KEAP1: variants seen among roughly 807,000 people sequenced by gnomAD.
The protein encoded by KEAP1 is kelch-like ECH-associated protein 1.
A neutral mutation model predicts 59.7 loss-of-function variants in KEAP1; 26 were observed. The observed-to-expected ratio is 0.44, with a 90% CI of 0.32 to 0.60. The LOEUF (loss-of-function observed/expected upper bound fraction) is 0.60. KEAP1 is among the 20% of genes least tolerant of loss of function. The pLI, the probability that KEAP1 is intolerant of heterozygous loss-of-function variation, is 0.06. For missense variants in KEAP1, 539 were observed against 871.4 expected, an observed-to-expected ratio of 0.62 and a Z score of 4.80; for synonymous variants, 350 against 358.3, an observed-to-expected ratio of 0.98 and a Z score of 0.26.
At chr19:10,487,992 G>T (rs1446713735) in intron 5 of KEAP1, among the ~76,000 whole-genome samples, 1 of 152,126 alleles carries the variant, frequency 6.6e-6, no homozygotes. Context: ...GCCGGGCGTG[G>T]TGGCGCATGC....
rs2144596988 is a variant in KEAP1, at chr19:10,491,653, C to A, written c.1249G>T (p.Gly417Trp). ...ATGTGGCCATCGATGACCCCCACCC[C>A]GATGCGGTTACGGGGCACGCTCATG... The part of the protein sequence containing the change: ...APMSVPRNRI[G>W]VGVIDGHIYA... Residue 417 changes from glycine to tryptophan, a missense_variant, in exon 3 of 6, where the codon GGG becomes TGG. Physicochemically the swap from Gly to Trp is radical, Grantham distance 184 (BLOSUM62 -2). This residue lies in a region of KEAP1 where 311 missense variants were observed against 425.2 expected (regional missense o/e 0.73). Transcript: ENST00000171111. This position sits in a 1 kb window ranked among gnomAD's most constrained non-coding sequence, Gnocchi z 5.2. The A allele has an allele frequency of 6.3e-7, 1 of 1,593,040 alleles. No homozygotes were observed. Among genetic ancestry groups the A allele is most frequent in the East Asian group, 2.2e-5 (1 of 44,694 alleles).
chr19:10,487,730 T>C (rs936834726), intron 5 of KEAP1, among the ~76,000 whole-genome samples: 1 of 152,112 alleles, frequency 6.6e-6, no homozygotes, highest in Non-Finnish European at 1.5e-5. Flanking sequence ...GCACAGTGGC[T>C]CATGCCTGTA....
At position 10,491,696 on chromosome 19, in the gene KEAP1, C is replaced by A. The variant is rs1232290072; in HGVS notation, c.1206G>T (p.Gln402His). 2 of 1,571,062 alleles carry A rather than the reference C, an allele frequency of 1.3e-6. No individual in the cohort carries two copies. Reference sequence around the variant, plus strand: ...CGCTCATGGGGGCGCAGGGCGACCACTGATTGGTCATGGGGTTGTAACAGT... The same window carrying A: ...CGCTCATGGGGGCGCAGGGCGACCAATGATTGGTCATGGGGTTGTAACAGT... ...ALDCYNPMTN[Q>H]WSPCAPMSVP... Residue 402 changes from glutamine to histidine, a missense_variant, in exon 3 of 6, where the codon CAG becomes CAT. Transcript: ENST00000171111. This position sits in a 1 kb window ranked among gnomAD's most constrained non-coding sequence, Gnocchi z 5.2.
rs760899478 is a variant in KEAP1, at chr19:10,491,791, C to T, written c.1111G>A (p.Gly371Ser). The T allele has an allele frequency of 3.3e-5, 53 of 1,588,334 alleles. No homozygotes were observed. Among genetic ancestry groups the T allele is most frequent in the Non-Finnish European group, 4.4e-5 (51 of 1,167,760 alleles). The part of the protein sequence containing the change: ...PRSGLAGCVV[G>S]GLLYAVGGRN... ...CCGCCCACGGCGTACAACAGCCCGCCCACCACGCAGCCGGCCAGGCCGCTC... is the reference window on the plus strand; with the variant it reads ...CCGCCCACGGCGTACAACAGCCCGCTCACCACGCAGCCGGCCAGGCCGCTC... Residue 371 changes from glycine (G) to serine (S), a missense_variant, in exon 3 of 6, where the codon GGC becomes AGC. Transcript: ENST00000171111. This position sits in a 1 kb window ranked among gnomAD's most constrained non-coding sequence, Gnocchi z 5.2.
At chr19:10,495,179 C>A (rs1249746953) in intron 2 of KEAP1, among the ~76,000 whole-genome samples, 1 of 151,792 alleles carries the variant, frequency 6.6e-6, no homozygotes, top group Non-Finnish European at 1.5e-5. Context: ...TTTTAAGAGA[C>A]AGGGTCTTGC....
intron 2 of KEAP1, among the ~76,000 whole-genome samples, chr19:10,495,402 C>A (rs926949761): frequency 3.3e-5 from 5 of 152,086 alleles, no homozygotes; most frequent in African/African-American, 1.2e-4. Context: ...TGGAAAAAAA[C>A]AAGTGACAGC....
chr19:10,495,394 G>GA (rs919813023), intron 2 of KEAP1, among the ~76,000 whole-genome samples: 2 of 151,914 alleles, frequency 1.3e-5, no homozygotes, highest in East Asian at 3.9e-4. Flanking sequence ...GAATGTTGTG[G>GA]AAAAAAACAA....
At position 10,499,608 on chromosome 19, in the gene KEAP1, C is replaced by G; in HGVS notation, c.426G>C (p.Thr142=). The G allele has an allele frequency of 6.2e-7, 1 of 1,614,054 alleles. No homozygotes were observed. The highest frequency in any genetic ancestry group is 8.5e-7 in the Non-Finnish European group (1 of 1,180,044). ...VMERLIEFAY[T]ASISMGEKCV... ...ACTTCTCGCCCATGGAGATGGAGGC[C>G]GTGTAGGCGAATTCAATGAGGCGCT... The change falls in exon 2 of 6, where the codon ACG becomes ACC. Residue 142 remains threonine, a synonymous_variant. Coordinates refer to ENST00000171111, the MANE Select transcript of KEAP1 (RefSeq NM_203500.2). This position sits in a 1 kb window ranked among gnomAD's most constrained non-coding sequence, Gnocchi z 6.7.
At chr19:10,494,548 G>C (rs962400185) in intron 2 of KEAP1, among the ~76,000 whole-genome samples, 1 of 150,518 alleles carries the variant, frequency 6.6e-6, no homozygotes, top group Non-Finnish European at 1.5e-5. Context: ...TGTTAACCAG[G>C]CTGGTCTTGA....
At position 10,500,772 on chromosome 19, in the gene KEAP1, C is replaced by T. The variant is rs892291334; in HGVS notation, c.-47-692G>A. Among the ~76,000 whole-genome samples, 54 of 151,622 alleles carry T rather than the reference C, an allele frequency of 3.6e-4. 1 individual carries two copies. The highest frequency in any genetic ancestry group is 1.1e-3 in the Admixed American group (17 of 15,194). ...TTGGCTCACTGCAACCTCCGCCTCC[C>T]GGGTTCAAGCGATCCTCCTGCCTCA... On this transcript the variant is annotated intron_variant, in intron 1 of 5. Transcript: ENST00000171111.
In KEAP1 at chr19:10,502,809, G is replaced by A. The variant is rs895770733; in HGVS notation, c.-48+432C>T. On this transcript the variant is annotated intron_variant, in intron 1 of 5. Transcript: ENST00000171111. This position sits in a 1 kb window ranked among gnomAD's most constrained non-coding sequence, Gnocchi z 4.0. ...CAGGTCACCATGACTAAGCAGAGCC[G>A]GGCGCCCGCCGTGTCACAATAAAAG... The A allele has an allele frequency of 6.6e-6, 1 of 151,992 alleles. No homozygotes were observed. The highest frequency in any genetic ancestry group is 2.4e-5 in the African/African-American group (1 of 41,420). The allele number at this position is 151,992 out of a possible 1,614,324, so 9.4% of individuals were successfully genotyped here.
chr19:10,496,412 C>G (rs1568400356), intron 2 of KEAP1, among the ~76,000 whole-genome samples: 2 of 151,490 alleles, frequency 1.3e-5, no homozygotes, highest in African/African-American at 4.9e-5. Flanking sequence ...ATGAGAATCA[C>G]TTGAACCCGA....
intron 2 of KEAP1, among the ~76,000 whole-genome samples, chr19:10,495,018 G>A (rs1914805324): frequency 6.6e-6 from 1 of 150,908 alleles, no homozygotes; most frequent in African/African-American, 2.4e-5. Context: ...ATACAGTGGC[G>A]TGATCTCGGC....
At chr19:10,492,307 C>A in intron 2 of KEAP1, 45 bp from the exon 3 acceptor site, 1 of 1,434,838 alleles carries the variant, frequency 7.0e-7, no homozygotes, top group Non-Finnish European at 9.7e-7. Context: ...CAGTCACCCC[C>A]ACACCTCACC....
At chr19:10,493,622 C>T (rs796500751) in intron 2 of KEAP1, among the ~76,000 whole-genome samples, 61 of 129,468 alleles carry the variant, frequency 4.7e-4, no homozygotes, top group African/African-American at 1.5e-3. Context: ...ACTGCAGTGG[C>T]GCTATCTCGG....
At chr19:10,500,794 C>T (rs1915018126) in intron 1 of KEAP1, among the ~76,000 whole-genome samples, 1 of 151,608 alleles carries the variant, frequency 6.6e-6, no homozygotes, top group Non-Finnish European at 1.5e-5. Flanking sequence ...ATCCTCCTGC[C>T]TCAGCCTCCC....
At chr19:10,498,496 T>G (rs1914932411) in intron 2 of KEAP1, among the ~76,000 whole-genome samples, 1 of 151,920 alleles carries the variant, frequency 6.6e-6, no homozygotes, top group Non-Finnish European at 1.5e-5. Flanking sequence ...CGTGAGCCAC[T>G]GGGCCCTGCC....
Position 10,489,818 on chromosome 19 carries a change from G to C in KEAP1, c.1361C>G (p.Ala454Gly). Residue 454 changes from alanine (A) to glycine (G), a missense_variant, in exon 4 of 6, where the codon GCC becomes GGC. Transcript: ENST00000171111. ...EPERDEWHLV[A>G]PMLTRRIGVG... The stretch of plus-strand genomic sequence containing the variant: ...CCCGATCCTTCGTGTCAGCATTGGG[G>C]CCACCAAGTGCCACTCATCCCGCTC... 2.5e-6 allele frequency: 4 copies of C among 1,614,030 alleles called. No individual in the cohort carries two copies. The highest frequency in any genetic ancestry group is 3.4e-6 in the Non-Finnish European group (4 of 1,179,982).
At chr19:10,492,404 C>A (rs956466513) in intron 2 of KEAP1, 142 bp from the exon 3 acceptor site, 2 of 663,872 alleles carry the variant, frequency 3.0e-6, no homozygotes, top group Admixed American at 2.8e-5. Flanking sequence ...TAATAGGAAC[C>A]GCGTACATTG....
Sources: allele counts gnomAD v4.1 joint callset (sites outside exome capture counted in the v4.1 genomes callset), GRCh38; gene constraint gnomAD v4.1.1; regional missense constraint gnomAD v4.1.1; non-coding constraint Gnocchi (gnomAD v3.1); transcripts MANE v1.5; gene names NCBI Gene and HGNC (gene_info 2026-07-23, HGNC 2026-07-21).